Variants in NCKAP5 observed in about 807,000 individuals in gnomAD.
NCKAP5 encodes NCK associated protein 5.
Under a neutral mutation model 167.0 loss-of-function variants are expected in NCKAP5, and 92 were observed. That is an observed-to-expected ratio of 0.55 (90% CI 0.47 to 0.66). The LOEUF is 0.66. Among genes scored for constraint, NCKAP5 ranks in the 30% least tolerant of loss-of-function variants. NCKAP5 has a pLI of 0.00. For missense variants in NCKAP5, 2,378 were observed against 2,315.0 expected (o/e 1.03, Z -0.56); for synonymous variants, 891 against 877.4 (o/e 1.02, Z -0.27).
chr2:132,885,219 A>G (rs1464103268), intron 8 of NCKAP5, among the ~76,000 whole-genome samples: 1 of 152,212 alleles, frequency 6.6e-6, no homozygotes, highest in Non-Finnish European at 1.5e-5. Flanking sequence ...AACAGGAAAA[A>G]AAACCCTCTT....
chr2:133,327,096 TCTTCAGAAAAGGGACTTTGGTATTTACAG>T (rs1682506909), intron 3 of NCKAP5, among the ~76,000 whole-genome samples: 1 of 152,170 alleles, frequency 6.6e-6, no homozygotes, highest in African/African-American at 2.4e-5. Flanking sequence ...TGAATCAGAA[TCTTCAGAAAAGGGACTTTGGTATTTACAG>T]CCAGCCCAGG....
At chr2:132,711,820 C>T (rs534948464) in intron 19 of NCKAP5, among the ~76,000 whole-genome samples, 3 of 152,252 alleles carry the variant, frequency 2.0e-5, no homozygotes, top group African/African-American at 7.2e-5. Flanking sequence ...CCCTCCCTGC[C>T]TCCCTTCCTT....
At chr2:133,540,641 A>G (rs904690832) in intron 2 of NCKAP5, among the ~76,000 whole-genome samples, 1 of 152,168 alleles carries the variant, frequency 6.6e-6, no homozygotes, top group Admixed American at 6.5e-5. Context: ...TGCCATTAAA[A>G]ATAGCAATTG....
rs191979906 is a variant in NCKAP5 at position 132,945,286 on chromosome 2, G to A, written c.579+18434C>T. Among the ~76,000 whole-genome samples the A allele has an allele frequency of 1.7e-3, 252 of 152,174 alleles. 1 individual carries two copies. The highest frequency in any genetic ancestry group is 5.2e-3 in the African/African-American group (217 of 41,514). On this transcript the variant is annotated intron_variant, in intron 8 of 19. Coordinates refer to ENST00000409261, the MANE Select transcript of NCKAP5 (RefSeq NM_207363.3). ...GGGATCCCACCTGCTAAGGTGAGGC[G>A]GGGGCAGGGGTGGGGTGGGGAAATG...
intron 3 of NCKAP5, among the ~76,000 whole-genome samples, chr2:133,451,878 C>T (rs1238793072): frequency 1.3e-5 from 2 of 152,130 alleles, no homozygotes; most frequent in African/African-American, 4.8e-5. Context: ...GAACTTCAAA[C>T]ATTTCCCTGC....
intron 3 of NCKAP5, among the ~76,000 whole-genome samples, chr2:133,493,872 C>A (rs1681690009): frequency 6.6e-6 from 1 of 152,140 alleles, no homozygotes; most frequent in Admixed American, 6.5e-5. Context: ...AAAAGGAGCA[C>A]CTGGAAGGCC....
intron 3 of NCKAP5, among the ~76,000 whole-genome samples, chr2:133,414,600 A>C (rs925947532): frequency 6.6e-5 from 10 of 152,198 alleles, no homozygotes; most frequent in Non-Finnish European, 1.2e-4. Context: ...GTAGTTATGA[A>C]ATGATACTTT....
intron 3 of NCKAP5, among the ~76,000 whole-genome samples, chr2:133,502,309 G>T (rs977834239): frequency 6.6e-6 from 1 of 152,146 alleles, no homozygotes. Flanking sequence ...CCATGCAGAC[G>T]TTATGGGCCA....
At chr2:132,990,855 C>A (rs1056766790) in intron 7 of NCKAP5, among the ~76,000 whole-genome samples, 1 of 152,148 alleles carries the variant, frequency 6.6e-6, no homozygotes, top group African/African-American at 2.4e-5. Context: ...GTTAAGCCAC[C>A]AAGTTTGTTA....
chr2:133,457,015 C>T (rs897804596), intron 3 of NCKAP5, among the ~76,000 whole-genome samples: 11 of 152,108 alleles, frequency 7.2e-5, no homozygotes, highest in Non-Finnish European at 1.6e-4. Context: ...CTCTAATGTG[C>T]AGCATTCGTA....
chr2:133,002,543 A>G (rs2077821783), intron 6 of NCKAP5, among the ~76,000 whole-genome samples: 1 of 152,226 alleles, frequency 6.6e-6, no homozygotes, highest in Non-Finnish European at 1.5e-5. Context: ...ATTGTGCATT[A>G]TAACAACTGT....
Position 132,782,295 on chromosome 2 carries a change from A to G in NCKAP5, c.4516T>C (p.Phe1506Leu). 1 of 1,613,986 alleles carries G rather than the reference A, an allele frequency of 6.2e-7. No individual in the cohort carries two copies. The change falls in exon 14 of 20, where the codon TTT becomes CTT. Residue 1506 changes from phenylalanine (F) to leucine (L), a missense_variant. Physicochemically the swap from Phe to Leu is conservative, Grantham distance 22. Coordinates refer to ENST00000409261, the MANE Select transcript of NCKAP5 (RefSeq NM_207363.3). ...VEAKQKPGPS[F>L]ASWFGFRKSR... ...TTCCGAAAACCAAACCAGCTGGCAA[A>G]AGAAGGCCCAGGCTTCTGCTTTGCT...
At chr2:133,076,342 C>T (rs2080600995) in intron 6 of NCKAP5, among the ~76,000 whole-genome samples, 2 of 152,010 alleles carry the variant, frequency 1.3e-5, no homozygotes, top group South Asian at 4.1e-4. Flanking sequence ...CTTGAGCATC[C>T]AAGAATTTTG....
At chr2:133,671,059 CA>C in the NCKAP5 span, among the ~76,000 whole-genome samples, 1 of 151,476 alleles carries the variant, frequency 6.6e-6, no homozygotes, top group Non-Finnish European at 1.5e-5. Context: ...ACTAAAAATA[CA>C]AAAAATTAGC....
intron 19 of NCKAP5, among the ~76,000 whole-genome samples, chr2:132,723,704 C>A (rs1448408776): frequency 1.3e-5 from 2 of 152,192 alleles, no homozygotes; most frequent in Non-Finnish European, 2.9e-5. Flanking sequence ...AGACATAGAG[C>A]ATTTCCATCG....
chr2:133,473,104 C>T (rs537009028), intron 3 of NCKAP5, among the ~76,000 whole-genome samples: 12 of 152,070 alleles, frequency 7.9e-5, no homozygotes, highest in Non-Finnish European at 1.6e-4. Flanking sequence ...GAGGCCAAGG[C>T]GGGTGGATCA....
intron 3 of NCKAP5, among the ~76,000 whole-genome samples, chr2:133,355,556 T>G (rs1401963051): frequency 6.6e-6 from 1 of 152,228 alleles, no homozygotes; most frequent in East Asian, 1.9e-4. Context: ...AGTTTCATTT[T>G]TAGTCAAAAG....
At chr2:132,750,851 C>A (rs1184142655) in intron 16 of NCKAP5, among the ~76,000 whole-genome samples, 1 of 152,192 alleles carries the variant, frequency 6.6e-6, no homozygotes, top group Non-Finnish European at 1.5e-5. Flanking sequence ...GGAGCCCAAG[C>A]ACACTTGGAA....
chr2:133,526,259 G>A (rs1193528709), intron 2 of NCKAP5, among the ~76,000 whole-genome samples: 1 of 61,994 alleles, frequency 1.6e-5, no homozygotes, highest in Admixed American at 2.0e-4. Context: ...GAGGGAGGGA[G>A]GGAAGGAGGG....
Sources: allele counts gnomAD v4.1 joint callset (sites outside exome capture counted in the v4.1 genomes callset), GRCh38; gene constraint gnomAD v4.1.1; transcripts MANE v1.5; gene names NCBI Gene and HGNC (gene_info 2026-07-23, HGNC 2026-07-21).